Variants in GK observed in about 807,000 individuals in gnomAD.
GK encodes glycerol kinase, also known as ATP:glycerol 3-phosphotransferase.
GK carries 9 observed loss-of-function variants against 56.4 expected under a neutral mutation model. The observed-to-expected ratio is 0.16, with a 90% confidence interval of 0.10 to 0.28. GK has a LOEUF of 0.28. GK is among the 10% of genes least tolerant of loss of function. The pLI is 1.00. For missense variants in GK, 161 were observed against 431.4 expected, an observed-to-expected ratio of 0.37 and a Z score of 5.55; for synonymous variants, 104 against 144.1, an observed-to-expected ratio of 0.72 and a Z score of 1.99.
In GK at chrX:30,731,377, T is replaced by A. The variant is rs1937327027; in HGVS notation, c.*2635T>A. On this transcript the variant is annotated 3_prime_UTR_variant, in exon 21 of 21. Transcript: ENST00000427190. ...ATAGCTTGTTTTATCTAGTAATATT[T>A]AAATAATGAAGTTTCCTTGATCCTT... The A allele has an allele frequency of 8.9e-6, 1 of 112,062 alleles. No individual in the cohort carries two copies. The highest frequency in any genetic ancestry group is 1.9e-5 in the Non-Finnish European group (1 of 53,221). 9.2% of individuals were successfully genotyped at this position (112,062 alleles called of 1,213,427 possible).
intron 18 of GK, chrX:30,723,619 G>T (rs868285718): frequency 7.7e-6 from 1 of 129,698 alleles, no homozygotes; most frequent in Non-Finnish European, 1.5e-5. Flanking sequence ...GTTTTTGTTT[G>T]TTTGTTTGTT....
chrX:30,675,261 T>C (rs976605099), intron 3 of GK, among the ~76,000 whole-genome samples: 1 of 108,029 alleles, frequency 9.3e-6, no homozygotes, highest in African/African-American at 3.4e-5. Context: ...AGTGGCCCGA[T>C]TTCGGCTCAC....
At chrX:30,675,444 ACCTCGG>A (rs1933819566) in intron 3 of GK, among the ~76,000 whole-genome samples, 1 of 105,098 alleles carries the variant, frequency 9.5e-6, no homozygotes, top group South Asian at 4.2e-4. Context: ...GGATCCACCC[ACCTCGG>A]CCTCCCAAAG....
At chrX:30,655,577 A>T (rs1932206109) in intron 1 of GK, among the ~76,000 whole-genome samples, 1 of 112,668 alleles carries the variant, frequency 8.9e-6, no homozygotes, top group East Asian at 2.8e-4. Context: ...TGTGGGGGCC[A>T]AACCAAGCAT....
chrX:30,722,077 C>T (rs922659795), intron 18 of GK: 2 of 109,821 alleles, frequency 1.8e-5, no homozygotes, highest in Admixed American at 9.6e-5. Flanking sequence ...TCTAAAAAAA[C>T]AAAAGGAAAA....
intron 4 of GK, among the ~76,000 whole-genome samples, chrX:30,685,371 G>C (rs1394278053): frequency 8.9e-6 from 1 of 111,809 alleles, no homozygotes; most frequent in Non-Finnish European, 1.9e-5. Flanking sequence ...CTGACCTCGT[G>C]ATCCGCCGGC....
chrX:30,664,294 G>A (rs779283848), intron 1 of GK, among the ~76,000 whole-genome samples: 194 of 103,306 alleles, frequency 1.9e-3, no homozygotes, highest in Middle Eastern at 4.9e-3. Flanking sequence ...CCTGGGTTCC[G>A]GTTCAAGCAG....
intron 13 of GK, among the ~76,000 whole-genome samples, chrX:30,711,084 C>T (rs1936294974): frequency 1.9e-5 from 2 of 107,368 alleles, no homozygotes; most frequent in African/African-American, 6.7e-5. Flanking sequence ...TTTGGTCTCA[C>T]ACCTTTTTTA....
intron 20 of GK, among the ~76,000 whole-genome samples, chrX:30,727,995 C>G (rs766534542): frequency 1.8e-5 from 2 of 111,485 alleles, no homozygotes; most frequent in South Asian, 7.5e-4. Flanking sequence ...CAGAGCATGT[C>G]CACAGAGTTC....
In GK at chrX:30,719,508, G is replaced by T. The variant is rs753857355; in HGVS notation, c.1144G>T (p.Ala382Ser). 1.8e-6 allele frequency: 2 copies of T among 1,142,601 alleles called. No homozygotes were observed. Among genetic ancestry groups the T allele is most frequent in the South Asian group, 3.6e-5 (2 of 54,915 alleles). The allele number at this position is 1,142,601 out of a possible 1,213,427, so 94.2% of individuals were successfully genotyped here. A position where few individuals can be genotyped will look rare whatever the true frequency, so the allele number is the denominator to read the frequency against. The change falls in exon 15 of 21, where the codon GCA becomes TCA. Residue 382 changes from alanine (A) to serine (S), a missense_variant. Coordinates refer to ENST00000427190, the MANE Select transcript of GK (RefSeq NM_001205019.2). ...GLYAPYWEPS[A>S]RGIICGLTQF... ...ATATGCACCTTATTGGGAGCCCAGC[G>T]CAAGAGGGTAAGTATTGAAAATATG...
At chrX:30,690,058 T>C (rs1163751877) in intron 4 of GK, among the ~76,000 whole-genome samples, 1 of 111,609 alleles carries the variant, frequency 9.0e-6, no homozygotes, top group African/African-American at 3.3e-5. Flanking sequence ...CATAAGTAAT[T>C]AGAAAGAATT....
intron 13 of GK, among the ~76,000 whole-genome samples, chrX:30,715,732 T>C (rs1936583108): frequency 8.9e-6 from 1 of 112,529 alleles, no homozygotes; most frequent in Non-Finnish European, 1.9e-5. Context: ...CTTTTGTGAA[T>C]TAGAGATGTC....
chrX:30,692,664 T>C (rs1001727905), intron 5 of GK, among the ~76,000 whole-genome samples: 1 of 110,373 alleles, frequency 9.1e-6, no homozygotes, highest in Non-Finnish European at 1.9e-5. Context: ...CTATTTTTAG[T>C]GGCCAGGCTG....
Position 30,681,957 on chromosome X carries a change from T to A in GK, c.337+4505T>A, listed in dbSNP as rs997949971. On this transcript the variant is annotated intron_variant, in intron 4 of 20. Coordinates refer to ENST00000427190, the MANE Select transcript of GK (RefSeq NM_001205019.2). ...TTGATACACTAGGCAGCTAACCCAT[T>A]CTCTTAGTCCATTCTGGTTACTATA... Among the ~76,000 whole-genome samples, 38 of 111,706 alleles carry A rather than the reference T, an allele frequency of 3.4e-4. No homozygotes were observed. In the Admixed American group the frequency reaches 3.6e-3, roughly 11 times the overall value.
At chrX:30,707,466 A>G (rs963761195) in intron 11 of GK, 90 bp from the exon 12 acceptor site, 78 of 596,217 alleles carry the variant, frequency 1.3e-4, no homozygotes, top group Non-Finnish European at 2.1e-4. Context: ...GGACTAAATT[A>G]TATGTCAGTT....
At chrX:30,689,561 G>C (rs1037937633) in intron 4 of GK, 4 of 329,473 alleles carry the variant, frequency 1.2e-5, no homozygotes, top group Non-Finnish European at 2.4e-5. Context: ...TTTCTGGGAT[G>C]GCTCCTGATG....
intron 4 of GK, among the ~76,000 whole-genome samples, chrX:30,683,525 A>G (rs1296803673): frequency 8.9e-6 from 1 of 111,771 alleles, no homozygotes; most frequent in Non-Finnish European, 1.9e-5. Flanking sequence ...GAACTTCAGG[A>G]TATCATTGGT....
At position 30,653,623 on chromosome X, in the gene GK, C is replaced by G; in HGVS notation, c.78+8C>G. 9.2e-6 allele frequency: 11 copies of G among 1,199,248 alleles called. No individual in the cohort carries two copies. Among genetic ancestry groups the G allele is most frequent in the Non-Finnish European group, 1.2e-5 (11 of 884,130 alleles). ...AGTTCGACGCGCTTTTTGGTGAGCC[C>G]GGGGTGACATGTGAAGAGGCGCTGA... On this transcript the variant is annotated splice_region_variant and intron_variant, in intron 1 of 20. Coordinates refer to ENST00000427190, the MANE Select transcript of GK (RefSeq NM_001205019.2).
At chrX:30,674,391 C>T (rs764238179) in intron 3 of GK, 7 of 328,143 alleles carry the variant, frequency 2.1e-5, no homozygotes, top group Non-Finnish European at 3.0e-5. Context: ...ATCTGGATCT[C>T]CTGCCAACTT....
Sources: allele counts gnomAD v4.1 joint callset (sites outside exome capture counted in the v4.1 genomes callset), GRCh38; gene constraint gnomAD v4.1.1; transcripts MANE v1.5; gene names NCBI Gene and HGNC (gene_info 2026-07-23, HGNC 2026-07-21).